The following SLAIN1 variants were observed in gnomAD, a reference collection of about 807,000 sequenced individuals.
SLAIN1 encodes the protein SLAIN family member 1.
A neutral mutation model predicts 55.4 loss-of-function variants in SLAIN1; 17 were observed. The observed-to-expected ratio is 0.31, with a 90% confidence interval of 0.21 to 0.46. The LOEUF (loss-of-function observed/expected upper bound fraction) is 0.46. Among genes scored for constraint, SLAIN1 ranks in the 20% least tolerant of loss-of-function variants. SLAIN1 has a pLI of 1.00. For synonymous variants in SLAIN1, 348 were observed against 337.4 expected (o/e 1.03, Z -0.35); for missense variants, 682 against 785.1 (o/e 0.87, Z 1.57).
Position 77,744,298 on chromosome 13 carries a change from G to T in SLAIN1, c.782G>T (p.Gly261Val), listed in dbSNP as rs1048916220. The T allele has an allele frequency of 1.2e-6, 2 of 1,612,456 alleles. No individual in the cohort carries two copies. Among genetic ancestry groups the T allele is most frequent in the Middle Eastern group, 1.7e-4 (1 of 6,050 alleles). Residue 261 changes from glycine to valine, a missense_variant, in exon 3 of 7, where the codon GGC becomes GTC. By Grantham distance (109) the Gly-to-Val change is moderately radical. Transcript: ENST00000418532. ...TGTGTTTCAGGTTACACTTCCAGGG[G>T]CTCCCCACTCAGTCCCCAGTCATCT... ...FRLEQGYTSRGSPLSPQSSID... is the reference protein window; with the variant it reads ...FRLEQGYTSRVSPLSPQSSID...
chr13:77,711,323 G>A (rs774880912), intron 1 of SLAIN1, among the ~76,000 whole-genome samples: 3 of 152,030 alleles, frequency 2.0e-5, no homozygotes, highest in South Asian at 2.1e-4. Flanking sequence ...TAGATAGACC[G>A]CTAGCCAGAC....
chr13:77,712,104 C>T (rs1462831778), intron 1 of SLAIN1, among the ~76,000 whole-genome samples: 1 of 152,166 alleles, frequency 6.6e-6, no homozygotes, highest in East Asian at 1.9e-4. Context: ...AAACCCACAG[C>T]CAGTATCATA....
intron 1 of SLAIN1, among the ~76,000 whole-genome samples, chr13:77,701,179 T>G (rs1257091294): frequency 1.3e-5 from 2 of 152,340 alleles, no homozygotes; most frequent in Middle Eastern, 6.8e-3. Context: ...TTTATTGTGA[T>G]TTCATCCTAA....
At position 77,698,865 on chromosome 13, in the gene SLAIN1, T is replaced by C; in HGVS notation, c.626+326T>C. ...AGCATTAAGTGCAAAATCCATGTCA[T>C]CTTGTCTTTTTGCTCAGTGCTGCTC... On this transcript the variant is annotated intron_variant, in intron 1 of 6. Coordinates refer to ENST00000418532, the MANE Select transcript of SLAIN1 (RefSeq NM_001242868.2). The surrounding 1 kb of genome is among the most constrained non-coding windows in gnomAD (Gnocchi z 4.1). 1 of 1,512,628 alleles carries C rather than the reference T, an allele frequency of 6.6e-7. No homozygotes were observed. 93.7% of individuals were successfully genotyped at this position (1,512,628 alleles called of 1,614,324 possible).
At chr13:77,735,472 G>C (rs528536095) in intron 2 of SLAIN1, among the ~76,000 whole-genome samples, 9 of 152,040 alleles carry the variant, frequency 5.9e-5, no homozygotes, top group Admixed American at 5.2e-4. Context: ...ATGTTAGCCC[G>C]GGGTTGACAC....
intron 5 of SLAIN1, among the ~76,000 whole-genome samples, chr13:77,758,551 G>T (rs972746345): frequency 2.6e-5 from 4 of 151,906 alleles, no homozygotes; most frequent in Non-Finnish European, 5.9e-5. Flanking sequence ...GAATTTTTAT[G>T]GCTTCAGGTC....
intron 1 of SLAIN1, among the ~76,000 whole-genome samples, chr13:77,702,291 G>A (rs1036837647): frequency 6.6e-6 from 1 of 151,988 alleles, no homozygotes; most frequent in African/African-American, 2.4e-5. Flanking sequence ...TTACTAATTT[G>A]ATAGGCTTAG....
intron 4 of SLAIN1, among the ~76,000 whole-genome samples, chr13:77,747,108 T>G (rs1873888798): frequency 6.6e-6 from 1 of 151,912 alleles, no homozygotes; most frequent in Non-Finnish European, 1.5e-5. Context: ...TTTTTATTTT[T>G]TATTTTTTAT....
chr13:77,731,637 A>T (rs1296823505), intron 2 of SLAIN1, among the ~76,000 whole-genome samples: 1 of 152,146 alleles, frequency 6.6e-6, no homozygotes, highest in East Asian at 1.9e-4. Flanking sequence ...TCTAGAGCAG[A>T]AAAATTACTT....
At chr13:77,730,117 G>T (rs752603792) in intron 2 of SLAIN1, among the ~76,000 whole-genome samples, 8 of 152,154 alleles carry the variant, frequency 5.3e-5, no homozygotes, top group Non-Finnish European at 1.0e-4. Flanking sequence ...AGGCTGTTGT[G>T]GTTGGGGTGT....
chr13:77,711,700 A>AG (rs1157278918), intron 1 of SLAIN1, among the ~76,000 whole-genome samples: 1 of 152,158 alleles, frequency 6.6e-6, no homozygotes, highest in Non-Finnish European at 1.5e-5. Context: ...ATAGAAAGAG[A>AG]GGGGCTCCTC....
chr13:77,738,804 C>G (rs1873265368), intron 2 of SLAIN1, among the ~76,000 whole-genome samples: 1 of 152,042 alleles, frequency 6.6e-6, no homozygotes, highest in South Asian at 2.1e-4. Context: ...GAAACCAAGC[C>G]AGATGCCGTG....
chr13:77,728,047 G>A (rs1555277575), intron 2 of SLAIN1, among the ~76,000 whole-genome samples: 1 of 152,110 alleles, frequency 6.6e-6, no homozygotes, highest in Non-Finnish European at 1.5e-5. Flanking sequence ...GAAAAATTTT[G>A]TAAGTGTAGT....
chr13:77,698,264 C>T lies in SLAIN1; in HGVS notation c.351C>T (p.Gly117=), dbSNP rs1300208855. ...GGGSGSGSGG[G]SSPAFPGTFC... ...GCAGCGGTAGTGGCAGCGGCGGTGG[C>T]TCCAGCCCCGCGTTCCCGGGCACCT... The change falls in exon 1 of 7, where the codon GGC becomes GGT. Residue 117 remains glycine, a synonymous_variant. Coordinates refer to ENST00000418532, the MANE Select transcript of SLAIN1 (RefSeq NM_001242868.2). The surrounding 1 kb of genome is among the most constrained non-coding windows in gnomAD (Gnocchi z 4.1). 12 of 1,417,294 alleles carry T rather than the reference C, an allele frequency of 8.5e-6. No individual in the cohort carries two copies. Among genetic ancestry groups the T allele is most frequent in the African/African-American group, 1.5e-5 (1 of 67,358 alleles). The allele number at this position is 1,417,294 out of a possible 1,614,324, so 87.8% of individuals were successfully genotyped here.
At chr13:77,711,043 A>G (rs1019217160) in intron 1 of SLAIN1, among the ~76,000 whole-genome samples, 11 of 152,216 alleles carry the variant, frequency 7.2e-5, no homozygotes, top group East Asian at 1.9e-4. Flanking sequence ...GAGAACAAAG[A>G]CACAATGTCC....
chr13:77,706,178 CTTA>C (rs1043441203), intron 1 of SLAIN1, among the ~76,000 whole-genome samples: 12 of 152,172 alleles, frequency 7.9e-5, no homozygotes, highest in East Asian at 7.7e-4. Context: ...CATCTATGGA[CTTA>C]TTATGAAAGA....
chr13:77,758,447 A>G (rs1218996528), intron 5 of SLAIN1, among the ~76,000 whole-genome samples: 1 of 151,790 alleles, frequency 6.6e-6, no homozygotes, highest in Non-Finnish European at 1.5e-5. Flanking sequence ...CCATTTATTT[A>G]TTTTTGTTTG....
intron 2 of SLAIN1, among the ~76,000 whole-genome samples, chr13:77,734,257 A>G (rs192692708): frequency 7.2e-5 from 11 of 152,204 alleles, no homozygotes; most frequent in Admixed American, 2.0e-4. Context: ...AAGGGAGAAT[A>G]AAAAATTCTT....
chr13:77,697,792 C>A lies in SLAIN1; in HGVS notation c.-122C>A. ...ATGCGAACCGCCGGCTCGGCCTCAGCCCGCGCGTGGTCGGCCCCCCAGGCC... is the reference window on the plus strand; with the variant it reads ...ATGCGAACCGCCGGCTCGGCCTCAGACCGCGCGTGGTCGGCCCCCCAGGCC... On this transcript the variant is annotated 5_prime_UTR_variant, in exon 1 of 7. Coordinates refer to ENST00000418532, the MANE Select transcript of SLAIN1 (RefSeq NM_001242868.2). The A allele has an allele frequency of 9.3e-7, 1 of 1,071,176 alleles. No individual in the cohort carries two copies. The highest frequency in any genetic ancestry group is 1.2e-6 in the Non-Finnish European group (1 of 862,028). 66.4% of individuals were successfully genotyped at this position (1,071,176 alleles called of 1,614,324 possible).
Sources: allele counts gnomAD v4.1 joint callset (sites outside exome capture counted in the v4.1 genomes callset), GRCh38; gene constraint gnomAD v4.1.1; non-coding constraint Gnocchi (gnomAD v3.1); transcripts MANE v1.5; gene names NCBI Gene and HGNC (gene_info 2026-07-23, HGNC 2026-07-21).